FSTL4: variants seen among roughly 807,000 people sequenced by gnomAD.
FSTL4 encodes the protein follistatin-related protein 4.
A neutral mutation model predicts 78.2 loss-of-function variants in FSTL4; 28 were observed. The observed-to-expected ratio is 0.36, with a 90% CI of 0.27 to 0.49. The LOEUF (loss-of-function observed/expected upper bound fraction) is 0.49, where lower values mean the gene tolerates loss of function less well. Among genes scored for constraint, FSTL4 ranks in the 20% least tolerant of loss-of-function variants. The probability of loss-of-function intolerance (pLI) is 0.98; values close to 1 mark genes in which losing one functional copy is unlikely to be tolerated. For synonymous variants in FSTL4, 422 were observed against 440.5 expected, an observed-to-expected ratio of 0.96 and a Z score of 0.53; for missense variants, 922 against 1,084.9, an observed-to-expected ratio of 0.85 and a Z score of 2.11.
At chr5:133,593,487 A>G (rs1441754451) in intron 2 of FSTL4, among the ~76,000 whole-genome samples, 1 of 152,058 alleles carries the variant, frequency 6.6e-6, no homozygotes, top group Non-Finnish European at 1.5e-5. Context: ...TGTCCATCCT[A>G]TGCAGGTGAC....
chr5:133,784,799 G>T, the FSTL4 span, among the ~76,000 whole-genome samples: 1 of 152,004 alleles, frequency 6.6e-6, no homozygotes, highest in African/African-American at 2.4e-5. Flanking sequence ...AGGTTTCAGG[G>T]CTAGATATTC....
chr5:133,415,438 C>T (rs565434551), intron 3 of FSTL4, among the ~76,000 whole-genome samples: 2 of 152,296 alleles, frequency 1.3e-5, no homozygotes, highest in East Asian at 3.9e-4. Flanking sequence ...GTCACATTAA[C>T]CAAAACTAAA....
At chr5:133,804,257 G>A in the FSTL4 span, among the ~76,000 whole-genome samples, 1 of 152,200 alleles carries the variant, frequency 6.6e-6, no homozygotes, top group South Asian at 2.1e-4. Flanking sequence ...CAAAGGAAAA[G>A]TTGGGTCTCT....
At chr5:133,699,995 A>C in the FSTL4 span, among the ~76,000 whole-genome samples, 1 of 151,828 alleles carries the variant, frequency 6.6e-6, no homozygotes, top group Non-Finnish European at 1.5e-5. Context: ...ACCAGACTCA[A>C]CTCCAGACTT....
chr5:133,685,063 A>G, the FSTL4 span, among the ~76,000 whole-genome samples: 1 of 152,216 alleles, frequency 6.6e-6, no homozygotes, highest in East Asian at 1.9e-4. Context: ...GACTAAGTGA[A>G]CAGGGCCTGT....
At chr5:133,522,291 C>T (rs1580763814) in intron 3 of FSTL4, among the ~76,000 whole-genome samples, 1 of 152,158 alleles carries the variant, frequency 6.6e-6, no homozygotes, top group East Asian at 1.9e-4. Context: ...TTCTCTTATG[C>T]TGGACTTGAG....
At chr5:133,579,980 G>A (rs1342028649) in intron 2 of FSTL4, among the ~76,000 whole-genome samples, 2 of 152,184 alleles carry the variant, frequency 1.3e-5, no homozygotes, top group African/African-American at 4.8e-5. Flanking sequence ...AGGACTGGGT[G>A]CAAGTGGCGT....
chr5:133,561,006 G>A (rs1261640509), intron 3 of FSTL4, among the ~76,000 whole-genome samples: 4 of 151,208 alleles, frequency 2.6e-5, no homozygotes, highest in East Asian at 3.9e-4. Flanking sequence ...GGAGAATGGC[G>A]TGAACCCGTG....
intron 4 of FSTL4, among the ~76,000 whole-genome samples, chr5:133,346,925 T>C (rs1754707308): frequency 1.3e-5 from 2 of 152,210 alleles, no homozygotes; most frequent in Admixed American, 6.5e-5. Context: ...TTCCAAGAAA[T>C]ACTTCTTGGG....
At chr5:133,623,404 C>A in the FSTL4 span, among the ~76,000 whole-genome samples, 1 of 152,028 alleles carries the variant, frequency 6.6e-6, no homozygotes, top group Non-Finnish European at 1.5e-5. Flanking sequence ...GGAGAAAGAA[C>A]TATCCCTATG....
intron 3 of FSTL4, among the ~76,000 whole-genome samples, chr5:133,535,553 C>T (rs923942197): frequency 4.6e-5 from 7 of 152,232 alleles, no homozygotes; most frequent in African/African-American, 1.2e-4. Flanking sequence ...AGAAACCATG[C>T]TAATGACTGG....
chr5:133,835,373 G>T, the FSTL4 span, among the ~76,000 whole-genome samples: 1 of 152,156 alleles, frequency 6.6e-6, no homozygotes, highest in African/African-American at 2.4e-5. Flanking sequence ...TTTGCTGACT[G>T]ATATAAAATA....
chr5:133,693,299 A>T, the FSTL4 span, among the ~76,000 whole-genome samples: 1 of 152,238 alleles, frequency 6.6e-6, no homozygotes. Context: ...ACATCCTCTC[A>T]TAATTAGAAG....
the FSTL4 span, among the ~76,000 whole-genome samples, chr5:133,668,352 C>T: frequency 6.6e-6 from 1 of 152,170 alleles, no homozygotes; most frequent in South Asian, 2.1e-4. Flanking sequence ...CTCTCTCACA[C>T]ACTCTTGGCT....
intron 4 of FSTL4, among the ~76,000 whole-genome samples, chr5:133,332,593 C>T (rs543622837): frequency 6.6e-5 from 10 of 152,346 alleles, no homozygotes; most frequent in East Asian, 1.9e-4. Context: ...GTGCAGATCA[C>T]GTGTCACAGA....
intron 3 of FSTL4, among the ~76,000 whole-genome samples, chr5:133,543,728 TA>T (rs1364591478): frequency 6.6e-6 from 1 of 152,174 alleles, no homozygotes; most frequent in Non-Finnish European, 1.5e-5. Context: ...TCTATTCTGA[TA>T]ACTATTATCT....
At chr5:133,747,914 A>T in the FSTL4 span, among the ~76,000 whole-genome samples, 1 of 152,188 alleles carries the variant, frequency 6.6e-6, no homozygotes, top group Non-Finnish European at 1.5e-5. Context: ...ACCCAAACCC[A>T]GGCTGGGAAC....
intron 3 of FSTL4, among the ~76,000 whole-genome samples, chr5:133,463,330 T>C (rs1757634381): frequency 6.6e-6 from 1 of 152,174 alleles, no homozygotes; most frequent in Non-Finnish European, 1.5e-5. Context: ...CAATCAAGTG[T>C]CTCTTCCTCC....
intron 8 of FSTL4, among the ~76,000 whole-genome samples, chr5:133,231,891 C>A (rs566463299): frequency 1.3e-5 from 2 of 152,310 alleles, no homozygotes; most frequent in Non-Finnish European, 2.9e-5. Flanking sequence ...GCATCCATAA[C>A]ACAAAGGCCC....
Sources: allele counts gnomAD v4.1 joint callset (sites outside exome capture counted in the v4.1 genomes callset), GRCh38; gene constraint gnomAD v4.1.1; transcripts MANE v1.5; gene names NCBI Gene and HGNC (gene_info 2026-07-23, HGNC 2026-07-21).